The following GAB2 variants were observed in gnomAD, a reference collection of about 807,000 sequenced individuals.
The protein encoded by GAB2 is GRB2 associated binding protein 2.
GAB2 carries 26 observed loss-of-function variants against 65.5 expected under a neutral mutation model. The observed-to-expected ratio is 0.40, with a 90% CI of 0.29 to 0.55. The LOEUF is 0.55. GAB2 is among the 20% of genes least tolerant of loss of function. The pLI is 0.53. For missense variants in GAB2, 884 were observed against 875.8 expected, an observed-to-expected ratio of 1.01 and a Z score of -0.12; for synonymous variants, 321 against 329.6, an observed-to-expected ratio of 0.97 and a Z score of 0.28.
At chr11:78,246,230 T>C (rs2512546) in intron 3 of GAB2, among the ~76,000 whole-genome samples, 42,490 of 151,848 alleles carry the variant, frequency 0.28, 7,392 homozygotes, top group African/African-American at 0.48. Flanking sequence ...CAGTGTCCGG[T>C]GGCAGAGGGT....
intron 2 of GAB2, among the ~76,000 whole-genome samples, chr11:78,280,001 G>C (rs1372404207): frequency 6.6e-6 from 1 of 152,164 alleles, no homozygotes; most frequent in African/African-American, 2.4e-5. Context: ...AAATGTTAAG[G>C]AGCATTTCTA....
intron 1 of GAB2, among the ~76,000 whole-genome samples, chr11:78,291,589 T>TG (rs1866683195): frequency 7.8e-6 from 1 of 128,918 alleles, no homozygotes; most frequent in South Asian, 2.5e-4. Context: ...TTTTTTTTTT[T>TG]GCGACAGGGT....
At chr11:78,333,235 A>C (rs1332832530) in intron 1 of GAB2, among the ~76,000 whole-genome samples, 1 of 152,210 alleles carries the variant, frequency 6.6e-6, no homozygotes, top group Admixed American at 6.5e-5. Context: ...TATAATGAAT[A>C]ATTTGAGTCC....
intron 2 of GAB2, among the ~76,000 whole-genome samples, chr11:78,263,000 G>A (rs1008793787): frequency 1.3e-5 from 2 of 152,200 alleles, no homozygotes; most frequent in Non-Finnish European, 2.9e-5. Flanking sequence ...TTGCTACAAA[G>A]TACAGATGAC....
At chr11:78,261,746 C>T (rs976843641) in intron 2 of GAB2, among the ~76,000 whole-genome samples, 1 of 152,094 alleles carries the variant, frequency 6.6e-6, no homozygotes, top group African/African-American at 2.4e-5. Flanking sequence ...CAAAGGGTGG[C>T]CTATGCTTTA....
At chr11:78,268,487 G>A (rs565518942) in intron 2 of GAB2, among the ~76,000 whole-genome samples, 9 of 152,202 alleles carry the variant, frequency 5.9e-5, no homozygotes, top group Non-Finnish European at 1.3e-4. Flanking sequence ...GAGTTAGACT[G>A]GGCTTTGGAA....
At chr11:78,267,867 A>AAAAAAAAAAAAAAAAAAAAAAAAC (rs2134559068) in intron 2 of GAB2, among the ~76,000 whole-genome samples, 1 of 150,756 alleles carries the variant, frequency 6.6e-6, no homozygotes, top group African/African-American at 2.4e-5. Flanking sequence ...CAAAAAAAAA[A>AAAAAAAAAAAAAAAAAAAAAAAAC]AAAAAAAAAA....
intron 2 of GAB2, among the ~76,000 whole-genome samples, chr11:78,260,764 G>A (rs920986587): frequency 2.0e-5 from 3 of 152,154 alleles, no homozygotes; most frequent in Admixed American, 2.0e-4. Flanking sequence ...GAGTCACCGC[G>A]CCCAGTCTAT....
chr11:78,397,458 C>A (rs779507442), intron 1 of GAB2, among the ~76,000 whole-genome samples: 2 of 152,184 alleles, frequency 1.3e-5, no homozygotes, highest in Non-Finnish European at 2.9e-5. Context: ...CTGACGGTGA[C>A]ACAGGTGAAC....
Position 78,229,569 on chromosome 11 carries a change from C to T in GAB2, c.621-2518G>A, listed in dbSNP as rs543028584. The stretch of plus-strand genomic sequence containing the variant: ...TTACTCAAGCCAGAAACCTGGGAGT[C>T]ACCCACATTATGATTTCTGCCCAGG... On this transcript the variant is annotated intron_variant, in intron 3 of 9. Coordinates refer to ENST00000361507, the MANE Select transcript of GAB2 (RefSeq NM_080491.3). 3.9e-5 allele frequency among the ~76,000 whole-genome samples: 6 copies of T among 152,320 alleles called. No individual in the cohort carries two copies. In the South Asian group the frequency reaches 8.3e-4, roughly 21 times the overall value.
At chr11:78,286,346 A>C (rs1866481623) in intron 1 of GAB2, among the ~76,000 whole-genome samples, 1 of 151,568 alleles carries the variant, frequency 6.6e-6, no homozygotes, top group African/African-American at 2.4e-5. Flanking sequence ...GCCTTTATTG[A>C]CTCCCCCAGG....
chr11:78,251,235 G>A (rs117857838), intron 2 of GAB2, among the ~76,000 whole-genome samples: 2 of 152,116 alleles, frequency 1.3e-5, no homozygotes, highest in East Asian at 1.9e-4. Flanking sequence ...GTGCCTTACT[G>A]CATTAATGAG....
chr11:78,399,857 A>C (rs1208660840), intron 1 of GAB2, among the ~76,000 whole-genome samples: 2 of 152,222 alleles, frequency 1.3e-5, no homozygotes, highest in South Asian at 4.1e-4. Context: ...AATAAGAAGC[A>C]TTAGTCTAAT....
intron 2 of GAB2, among the ~76,000 whole-genome samples, chr11:78,271,108 G>C (rs903257215): frequency 6.6e-6 from 1 of 152,216 alleles, no homozygotes; most frequent in African/African-American, 2.4e-5. Flanking sequence ...AACAGGGGTT[G>C]ACTCCTGAGC....
Position 78,226,834 on chromosome 11 carries a change from C to G in GAB2, c.838G>C (p.Gly280Arg), listed in dbSNP as rs1396237531. 1 of 1,613,802 alleles carries G rather than the reference C, an allele frequency of 6.2e-7. No homozygotes were observed. The highest frequency in any genetic ancestry group is 1.3e-5 in the African/African-American group (1 of 74,866). Residue 280 changes from glycine to arginine, a missense_variant, in exon 4 of 10, where the codon GGC becomes CGC. Physicochemically the swap from Gly to Arg is moderately radical, Grantham distance 125. Coordinates refer to ENST00000361507, the MANE Select transcript of GAB2 (RefSeq NM_080491.3). ...RSLASHGHTK[G>R]SLTGSETDNE... ...TCTGTCTCGGAGCCTGTGAGGCTGC[C>G]CTTGGTGTGGCCATGGGAGGCCAGG...
chr11:78,278,154 C>T (rs1371332450), intron 2 of GAB2, among the ~76,000 whole-genome samples: 2 of 151,038 alleles, frequency 1.3e-5, no homozygotes, highest in Non-Finnish European at 2.9e-5. Flanking sequence ...ACTGCAACCT[C>T]TGCCTCCCAG....
chr11:78,330,397 G>A (rs1270962110), intron 1 of GAB2, among the ~76,000 whole-genome samples: 1 of 152,194 alleles, frequency 6.6e-6, no homozygotes, highest in Non-Finnish European at 1.5e-5. Flanking sequence ...ACAAGGCTTT[G>A]CGTTTTGGAG....
intron 1 of GAB2, among the ~76,000 whole-genome samples, chr11:78,285,862 A>G (rs529301205): frequency 3.5e-4 from 53 of 152,334 alleles, no homozygotes; most frequent in Non-Finnish European, 5.4e-4. Flanking sequence ...ATTCATCTGA[A>G]GTGGACCTCT....
intron 1 of GAB2, among the ~76,000 whole-genome samples, chr11:78,409,418 C>G (rs1482282564): frequency 6.6e-6 from 1 of 152,076 alleles, no homozygotes; most frequent in African/African-American, 2.4e-5. Flanking sequence ...AACCCTGTCT[C>G]TATTAAAAAT....
Sources: gnomAD v4.1 joint callset for allele counts (sites outside exome capture counted in the v4.1 genomes callset) on GRCh38, gnomAD v4.1.1 for gene constraint, MANE v1.5 for transcripts, NCBI Gene and HGNC (gene_info 2026-07-23, HGNC 2026-07-21) for gene names.